The following CATSPERT variants were observed in gnomAD, a reference collection of about 807,000 sequenced individuals.
CATSPERT encodes the protein cation channel sperm-associated targeting subunit tau.
chr2:201,550,833 C>T, the CATSPERT span: 1 of 152,212 alleles, frequency 6.6e-6, no homozygotes, highest in Non-Finnish European at 1.5e-5. Context: ...GGTTATCCCA[C>T]TATGAGCAGG....
chr2:201,599,981 C>T, the CATSPERT span, among the ~76,000 whole-genome samples: 4 of 152,194 alleles, frequency 2.6e-5, no homozygotes, highest in East Asian at 7.7e-4. Flanking sequence ...AAACAAACAA[C>T]AACAACAACA....
chr2:201,496,454 T>C, the CATSPERT span, among the ~76,000 whole-genome samples: 1 of 152,218 alleles, frequency 6.6e-6, no homozygotes, highest in Non-Finnish European at 1.5e-5. Context: ...GAGATTCTTG[T>C]GCCTCAGCCA....
At chr2:201,596,648 C>T in the CATSPERT span, among the ~76,000 whole-genome samples, 1 of 152,182 alleles carries the variant, frequency 6.6e-6, no homozygotes, top group Non-Finnish European at 1.5e-5. Context: ...AGTATCCCAC[C>T]AGTTTCTTAC....
At chr2:201,557,935 AG>A in the CATSPERT span, 1 of 152,128 alleles carries the variant, frequency 6.6e-6, no homozygotes, top group South Asian at 2.1e-4. Flanking sequence ...AAAAAATAGG[AG>A]GCCTCTTTAG....
the CATSPERT span, among the ~76,000 whole-genome samples, chr2:201,598,647 T>C: frequency 6.6e-6 from 1 of 152,064 alleles, no homozygotes. Context: ...AGTAGTGCCA[T>C]GTTGGCTCAC....
chr2:201,583,248 CATG>C, the CATSPERT span, among the ~76,000 whole-genome samples: 439 of 152,274 alleles, frequency 2.9e-3, 3 homozygotes, highest in African/African-American at 0.01. Flanking sequence ...GAAGACAAGA[CATG>C]ATACATTTAA....
At chr2:201,492,612 GT>G in the CATSPERT span, 4 of 1,526,230 alleles carry the variant, frequency 2.6e-6, no homozygotes, top group Non-Finnish European at 3.5e-6. Context: ...TTTCTGAAAT[GT>G]TTTTTAGGAA....
the CATSPERT span, chr2:201,572,100 A>G: frequency 9.8e-7 from 1 of 1,015,978 alleles, no homozygotes. Context: ...CCATATTGAT[A>G]CCATAATGCT....
the CATSPERT span, among the ~76,000 whole-genome samples, chr2:201,558,829 C>T: frequency 6.6e-6 from 1 of 152,168 alleles, no homozygotes; most frequent in East Asian, 1.9e-4. Flanking sequence ...ACCTCTCCAG[C>T]ACTGGAGCGC....
At chr2:201,583,623 G>T in the CATSPERT span, among the ~76,000 whole-genome samples, 15 of 152,264 alleles carry the variant, frequency 9.9e-5, no homozygotes, top group East Asian at 2.7e-3. Context: ...TCCCAAACTG[G>T]TAGTGGGCTC....
the CATSPERT span, among the ~76,000 whole-genome samples, chr2:201,612,640 C>T: frequency 6.6e-6 from 1 of 151,096 alleles, no homozygotes; most frequent in Non-Finnish European, 1.5e-5. Flanking sequence ...TCTGCAGTTC[C>T]CAGTGTGAGT....
At chr2:201,601,781 GTTC>G in the CATSPERT span, 15 of 1,611,980 alleles carry the variant, frequency 9.3e-6, no homozygotes, top group East Asian at 1.1e-4. Flanking sequence ...TAATTACAGT[GTTC>G]TTCTCATCGT....
chr2:201,491,930 T>C, the CATSPERT span: 6 of 1,536,870 alleles, frequency 3.9e-6, no homozygotes, highest in Non-Finnish European at 5.2e-6. Context: ...AGTATATCTG[T>C]AAGTATTTCT....
chr2:201,500,644 A>C, the CATSPERT span, among the ~76,000 whole-genome samples: 3 of 152,186 alleles, frequency 2.0e-5, no homozygotes, highest in Non-Finnish European at 4.4e-5. Context: ...TATAAAGTCC[A>C]TCTGGTGTTA....
At chr2:201,572,462 T>C in the CATSPERT span, among the ~76,000 whole-genome samples, 99 of 152,352 alleles carry the variant, frequency 6.5e-4, no homozygotes, top group Admixed American at 1.4e-3. Flanking sequence ...ATCAAGTTTT[T>C]ATTTTGAACT....
the CATSPERT span, among the ~76,000 whole-genome samples, chr2:201,616,218 T>C: frequency 2.6e-4 from 40 of 152,298 alleles, 1 homozygote; most frequent in Middle Eastern, 3.4e-3. Context: ...GAGGCCAACA[T>C]CATTCTGATA....
the CATSPERT span, chr2:201,549,823 T>A: frequency 6.6e-6 from 1 of 152,146 alleles, no homozygotes; most frequent in Non-Finnish European, 1.5e-5. Flanking sequence ...CAGTATGAAT[T>A]ATCTTACTCG....
chr2:201,580,362 C>T, the CATSPERT span, among the ~76,000 whole-genome samples: 1 of 152,180 alleles, frequency 6.6e-6, no homozygotes, highest in Admixed American at 6.5e-5. Flanking sequence ...TCCCAATAAA[C>T]TTTTACCTAA....
the CATSPERT span, among the ~76,000 whole-genome samples, chr2:201,528,202 C>T: frequency 2.0e-5 from 3 of 152,008 alleles, no homozygotes; most frequent in African/African-American, 7.2e-5. Context: ...AAATCAAAAC[C>T]ACAATGAGTT....
Sources: gnomAD v4.1 joint callset for allele counts (sites outside exome capture counted in the v4.1 genomes callset) on GRCh38, gnomAD v4.1.1 for gene constraint, MANE v1.5 for transcripts, NCBI Gene and HGNC (gene_info 2026-07-23, HGNC 2026-07-21) for gene names.